The following CPQ variants were observed in gnomAD, a reference collection of about 807,000 sequenced individuals.
CPQ encodes the protein carboxypeptidase Q, also known as Ser-Met dipeptidase.
Under a neutral mutation model 45.7 loss-of-function variants are expected in CPQ, and 37 were observed. The observed-to-expected ratio is 0.81, with a 90% CI of 0.62 to 1.07. The LOEUF is 1.07. Among genes scored for constraint, CPQ ranks in the 50% least tolerant of loss-of-function variants. The probability of loss-of-function intolerance (pLI) is 0.00; values close to 1 mark genes in which losing one functional copy is unlikely to be tolerated. For missense variants in CPQ, 537 were observed against 572.9 expected, an observed-to-expected ratio of 0.94 and a Z score of 0.64; for synonymous variants, 186 against 205.8, an observed-to-expected ratio of 0.90 and a Z score of 0.82.
chr8:97,100,416 AAGT>A (rs1459535518), intron 7 of CPQ, among the ~76,000 whole-genome samples: 2 of 152,146 alleles, frequency 1.3e-5, no homozygotes, highest in Non-Finnish European at 2.9e-5. Flanking sequence ...GAGATGAGAG[AAGT>A]AACACAGGAG....
At chr8:96,933,503 G>A (rs140992906) in intron 4 of CPQ, among the ~76,000 whole-genome samples, 2 of 152,114 alleles carry the variant, frequency 1.3e-5, no homozygotes, top group Non-Finnish European at 2.9e-5. Flanking sequence ...TTCTAACACC[G>A]ACAAGTTGTG....
intron 1 of CPQ, among the ~76,000 whole-genome samples, chr8:96,697,183 G>A (rs995096668): frequency 2.0e-5 from 3 of 152,022 alleles, no homozygotes; most frequent in Admixed American, 2.0e-4. Flanking sequence ...CATGACCAAG[G>A]GGAATTTATC....
chr8:96,717,087 A>G (rs1275087087), intron 1 of CPQ, among the ~76,000 whole-genome samples: 1 of 122,096 alleles, frequency 8.2e-6, no homozygotes, highest in Non-Finnish European at 1.7e-5. Flanking sequence ...ACGTATATAT[A>G]CACACACACA....
At chr8:96,960,021 A>G (rs1232360943) in intron 4 of CPQ, among the ~76,000 whole-genome samples, 2 of 152,172 alleles carry the variant, frequency 1.3e-5, no homozygotes, top group East Asian at 1.9e-4. Context: ...ATTGACCAAC[A>G]TGAATGTGGT....
chr8:97,100,387 C>T (rs1160223793), intron 7 of CPQ, among the ~76,000 whole-genome samples: 4 of 152,016 alleles, frequency 2.6e-5, no homozygotes, highest in South Asian at 2.1e-4. Context: ...GAGAGAGGAG[C>T]GGGCAAACCA....
At chr8:96,719,731 A>G (rs1809737172) in intron 1 of CPQ, among the ~76,000 whole-genome samples, 2 of 152,056 alleles carry the variant, frequency 1.3e-5, no homozygotes, top group African/African-American at 4.8e-5. Flanking sequence ...GCTTCCCTCT[A>G]TCTCTCCTGG....
chr8:96,929,139 T>G (rs879450003), intron 4 of CPQ, among the ~76,000 whole-genome samples: 1 of 152,104 alleles, frequency 6.6e-6, no homozygotes. Context: ...TTTACATGAG[T>G]GATAGTTTAA....
chr8:96,997,788 A>G lies in CPQ; in HGVS notation c.962-31615A>G, dbSNP rs867943236. On this transcript the variant is annotated intron_variant, in intron 5 of 7. Transcript: ENST00000220763. ...CTTCATATGCATCTATCTAATCTTC[A>G]TTTATCCATTCAGCTCACAGTTATT... Among the ~76,000 whole-genome samples the G allele has an allele frequency of 2.4e-4, 37 of 152,074 alleles. 1 individual carries two copies. The Middle Eastern group carries it at 0.01, about 42-fold the overall frequency.
At chr8:96,750,497 T>A (rs765810503) in intron 1 of CPQ, among the ~76,000 whole-genome samples, 1 of 152,014 alleles carries the variant, frequency 6.6e-6, no homozygotes, top group African/African-American at 2.4e-5. Flanking sequence ...AGTGTAGGTT[T>A]TATTGGTGAG....
intron 1 of CPQ, 69 bp from the exon 2 acceptor site, chr8:96,784,795 T>A: frequency 1.7e-6 from 2 of 1,166,648 alleles, no homozygotes; most frequent in South Asian, 1.6e-5. Context: ...TGAAAAGCAA[T>A]CCCTGGGTTA....
intron 1 of CPQ, among the ~76,000 whole-genome samples, chr8:96,716,878 G>T (rs576178589): frequency 6.6e-6 from 1 of 151,460 alleles, no homozygotes; most frequent in Non-Finnish European, 1.5e-5. Context: ...TTGTAGTCCA[G>T]CCTGGGCAAA....
At chr8:96,682,930 T>C (rs1809170218) in intron 1 of CPQ, among the ~76,000 whole-genome samples, 1 of 152,208 alleles carries the variant, frequency 6.6e-6, no homozygotes. Context: ...GACTTTAATC[T>C]GTTTACATTC....
intron 1 of CPQ, among the ~76,000 whole-genome samples, chr8:96,687,067 G>T (rs575775115): frequency 9.9e-5 from 15 of 151,988 alleles, no homozygotes; most frequent in African/African-American, 3.6e-4. Flanking sequence ...ATGTTTTGGC[G>T]AGTTAAAGGT....
At chr8:97,022,801 C>A (rs572323144) in intron 5 of CPQ, among the ~76,000 whole-genome samples, 1 of 151,856 alleles carries the variant, frequency 6.6e-6, no homozygotes, top group Non-Finnish European at 1.5e-5. Context: ...CTAGTACAAC[C>A]ACTATGGAAA....
At chr8:96,659,766 T>G (rs1043450965) in intron 1 of CPQ, among the ~76,000 whole-genome samples, 10 of 152,192 alleles carry the variant, frequency 6.6e-5, no homozygotes, top group Non-Finnish European at 1.0e-4. Flanking sequence ...TGCCCTTAAC[T>G]CTCCACCTTT....
chr8:96,892,395 G>T (rs1189229233), intron 4 of CPQ, among the ~76,000 whole-genome samples: 1 of 152,128 alleles, frequency 6.6e-6, no homozygotes, highest in Non-Finnish European at 1.5e-5. Context: ...ATTCTGCCTG[G>T]GTGGGAGCCT....
intron 5 of CPQ, among the ~76,000 whole-genome samples, chr8:97,004,314 A>G (rs1461705083): frequency 6.6e-6 from 1 of 152,066 alleles, no homozygotes; most frequent in African/African-American, 2.4e-5. Context: ...CCCAGTAGCA[A>G]TCAAATACAT....
intron 3 of CPQ, among the ~76,000 whole-genome samples, chr8:96,871,815 C>T (rs1812072223): frequency 6.6e-6 from 1 of 151,882 alleles, no homozygotes; most frequent in South Asian, 2.1e-4. Context: ...TAGATGTCTT[C>T]TCTTTTGCCA....
intron 1 of CPQ, among the ~76,000 whole-genome samples, chr8:96,679,014 T>A (rs368864691): frequency 3.3e-5 from 5 of 152,144 alleles, no homozygotes; most frequent in African/African-American, 1.2e-4. Context: ...TCCTATGTAT[T>A]CTTCTAGTAG....
Sources: allele counts gnomAD v4.1 joint callset (sites outside exome capture counted in the v4.1 genomes callset), GRCh38; gene constraint gnomAD v4.1.1; transcripts MANE v1.5; gene names NCBI Gene and HGNC (gene_info 2026-07-23, HGNC 2026-07-21).